The following GRM7 variants were observed in gnomAD, a reference collection of about 807,000 sequenced individuals.
GRM7 encodes glutamate metabotropic receptor 7.
In GRM7, 35 loss-of-function variants were observed where a neutral mutation model predicts 84.5. The ratio of observed to expected loss-of-function variants is 0.41; its 90% confidence interval spans 0.32 to 0.55. The LOEUF is 0.55. Among genes scored for constraint, GRM7 ranks in the 20% least tolerant of loss-of-function variants. The pLI is 0.19. For synonymous variants in GRM7, 487 were observed against 455.1 expected (o/e 1.07, Z -0.89); for missense variants, 1,003 against 1,194.6 (o/e 0.84, Z 2.36).
intron 4 of GRM7, among the ~76,000 whole-genome samples, chr3:7,313,192 G>A (rs1314295655): frequency 6.6e-6 from 1 of 151,954 alleles, no homozygotes; most frequent in Non-Finnish European, 1.5e-5. Flanking sequence ...GCCCCCCAAA[G>A]TGCTGGGATT....
At position 7,740,943 on chromosome 3, in the gene GRM7, A is replaced by T. The variant is rs1167981919; in HGVS notation, c.*537A>T. 2 of 152,642 alleles carry T rather than the reference A, an allele frequency of 1.3e-5. No homozygotes were observed. Among genetic ancestry groups the T allele is most frequent in the African/African-American group, 4.8e-5 (2 of 41,448 alleles). The allele number at this position is 152,642 out of a possible 1,614,324, so 9.5% of individuals were successfully genotyped here. A position where few individuals can be genotyped will look rare whatever the true frequency, so the allele number is the denominator to read the frequency against. The stretch of plus-strand genomic sequence containing the variant: ...TAAAATTTTAAAGCAATCTTGGCAG[A>T]CTAAAACAAGTACATCTGTACATGA... On this transcript the variant is annotated 3_prime_UTR_variant, in exon 10 of 10. Transcript: ENST00000357716.
chr3:7,103,886 G>A (rs1240903966), intron 1 of GRM7, among the ~76,000 whole-genome samples: 8 of 132,234 alleles, frequency 6.0e-5, no homozygotes, highest in Non-Finnish European at 1.2e-4. Flanking sequence ...TTTCTGAGAA[G>A]TGACCATCAT....
intron 1 of GRM7, among the ~76,000 whole-genome samples, chr3:7,039,811 T>C (rs1485894235): frequency 6.6e-6 from 1 of 152,176 alleles, no homozygotes; most frequent in African/African-American, 2.4e-5. Flanking sequence ...TTTGTAGCTA[T>C]GTGGCTCTTG....
chr3:7,526,889 A>AT (rs1700828598), intron 7 of GRM7, among the ~76,000 whole-genome samples: 1 of 151,490 alleles, frequency 6.6e-6, no homozygotes, highest in Non-Finnish European at 1.5e-5. Context: ...GCTTATGTGC[A>AT]TTTTTTTCTT....
At chr3:7,737,787 G>A (rs1280922437) in intron 9 of GRM7, among the ~76,000 whole-genome samples, 11 of 151,616 alleles carry the variant, frequency 7.3e-5, no homozygotes, top group Admixed American at 2.0e-4. Flanking sequence ...GATGAGAAAC[G>A]GGTATTTTGT....
intron 1 of GRM7, among the ~76,000 whole-genome samples, chr3:7,102,962 T>C (rs1014616801): frequency 6.6e-6 from 1 of 151,810 alleles, no homozygotes; most frequent in Admixed American, 6.6e-5. Context: ...TATTTGACCA[T>C]CTTTTCCTTT....
intron 1 of GRM7, among the ~76,000 whole-genome samples, chr3:6,984,218 T>A (rs1408373153): frequency 6.6e-6 from 1 of 152,212 alleles, no homozygotes; most frequent in South Asian, 2.1e-4. Context: ...AACTTGTTAT[T>A]AAGAAGATGA....
At position 7,703,309 on chromosome 3, in the gene GRM7, TG is replaced by T. The variant is rs1275338149; in HGVS notation, c.2698+23015del. On this transcript the variant is annotated intron_variant, in intron 9 of 9. Coordinates refer to ENST00000357716, the MANE Select transcript of GRM7 (RefSeq NM_000844.4). ...TCTGGGGTTTAGATCCATTAATCTG[TG>T]TTTTAACAACCCCCCCAAGTAAGTC... 2.0e-5 allele frequency among the ~76,000 whole-genome samples: 3 copies of T among 152,176 alleles called. No homozygotes were observed. In the East Asian group the frequency reaches 5.8e-4, roughly 29 times the overall value.
intron 4 of GRM7, among the ~76,000 whole-genome samples, chr3:7,403,936 A>G (rs1695567086): frequency 6.6e-6 from 1 of 151,890 alleles, no homozygotes; most frequent in African/African-American, 2.4e-5. Context: ...TAAAATGGAT[A>G]TATGAGCGAT....
intron 2 of GRM7, among the ~76,000 whole-genome samples, chr3:7,222,478 C>T (rs751986674): frequency 1.1e-4 from 16 of 152,080 alleles, no homozygotes; most frequent in Non-Finnish European, 7.4e-5. Flanking sequence ...GAGCCTCAGT[C>T]CCACAACCAC....
At chr3:7,298,946 C>T (rs540625783) in intron 3 of GRM7, 121 bp downstream of exon 3, 17 of 891,734 alleles carry the variant, frequency 1.9e-5, no homozygotes, top group South Asian at 4.3e-5. Flanking sequence ...CATACAGCGG[C>T]GAAGTCTGTG....
chr3:7,352,057 CCACACACACACA>C (rs56873432), intron 4 of GRM7, among the ~76,000 whole-genome samples: 2,201 of 136,950 alleles, frequency 0.016, 27 homozygotes, highest in Non-Finnish European at 0.016. Flanking sequence ...CACACACACA[CCACACACACACA>C]CACACACACA....
At chr3:6,894,524 G>A (rs1696100564) in intron 1 of GRM7, among the ~76,000 whole-genome samples, 1 of 151,978 alleles carries the variant, frequency 6.6e-6, no homozygotes, top group Non-Finnish European at 1.5e-5. Context: ...TATATACATT[G>A]TAATTGTAAT....
chr3:6,915,293 A>G (rs1378573606), intron 1 of GRM7, among the ~76,000 whole-genome samples: 3 of 152,200 alleles, frequency 2.0e-5, no homozygotes, highest in Non-Finnish European at 4.4e-5. Flanking sequence ...AATTAAAAAG[A>G]GCCAAAATAA....
At chr3:7,136,184 A>ATT (rs112649769) in intron 1 of GRM7, among the ~76,000 whole-genome samples, 4 of 149,566 alleles carry the variant, frequency 2.7e-5, no homozygotes, top group African/African-American at 4.9e-5. Flanking sequence ...ATTTTTATTC[A>ATT]TTTTTTTTTT....
At chr3:7,326,785 GATCACGCC>G (rs1271547201) in intron 4 of GRM7, among the ~76,000 whole-genome samples, 1 of 148,562 alleles carries the variant, frequency 6.7e-6, no homozygotes, top group Non-Finnish European at 1.5e-5. Flanking sequence ...AGTGAGCCGA[GATCACGCC>G]ATTGCACTCC....
At chr3:7,521,869 T>C (rs1195688985) in intron 7 of GRM7, among the ~76,000 whole-genome samples, 1 of 152,168 alleles carries the variant, frequency 6.6e-6, no homozygotes, top group Non-Finnish European at 1.5e-5. Flanking sequence ...AAATCATTTA[T>C]GGCTCCCCAA....
intron 4 of GRM7, among the ~76,000 whole-genome samples, chr3:7,349,227 C>T (rs1693026049): frequency 6.6e-6 from 1 of 152,038 alleles, no homozygotes; most frequent in Non-Finnish European, 1.5e-5. Flanking sequence ...TTTGATTTTC[C>T]TCTTCATTTT....
intron 2 of GRM7, among the ~76,000 whole-genome samples, chr3:7,168,216 T>C (rs1694869264): frequency 6.6e-6 from 1 of 152,140 alleles, no homozygotes; most frequent in African/African-American, 2.4e-5. Flanking sequence ...CCTGGTACTT[T>C]GCAAATGTGC....
Sources: gnomAD v4.1 joint callset for allele counts (sites outside exome capture counted in the v4.1 genomes callset) on GRCh38, gnomAD v4.1.1 for gene constraint, MANE v1.5 for transcripts, NCBI Gene and HGNC (gene_info 2026-07-23, HGNC 2026-07-21) for gene names.